JMJD1C: variants seen among roughly 807,000 people sequenced by gnomAD.
The protein encoded by JMJD1C is jumonji domain containing 1C.
In JMJD1C, 31 loss-of-function variants were observed where a neutral mutation model predicts 245.3. The ratio of observed to expected loss-of-function variants is 0.13; its 90% CI spans 0.09 to 0.17. JMJD1C has a LOEUF of 0.17. Ranked by LOEUF, JMJD1C falls within the 10% of genes least tolerant of loss-of-function variation. JMJD1C has a pLI of 1.00. For synonymous variants in JMJD1C, 1,057 were observed against 1,017.4 expected (o/e 1.04, Z -0.74); for missense variants, 2,691 against 3,000.2 (o/e 0.90, Z 2.41).
At position 63,189,399 on chromosome 10, in the gene JMJD1C, A is replaced by G. The variant is rs1271766051; in HGVS notation, c.6339T>C (p.Ile2113=). The change falls in exon 18 of 26, where the codon ATT becomes ATC. Residue 2113 remains isoleucine, a synonymous_variant. Coordinates refer to ENST00000399262, the MANE Select transcript of JMJD1C (RefSeq NM_032776.3). ...RTMPNILDDI[I]ASVVENKIPP... ...GAATTTTGTTTTCAACAACTGAAGC[A>G]ATTATGTCATCAAGAATGTTAGGCA... 2 of 1,613,764 alleles carry G rather than the reference A, an allele frequency of 1.2e-6. No homozygotes were observed. Among genetic ancestry groups the G allele is most frequent in the Admixed American group, 3.3e-5 (2 of 60,020 alleles).
Position 63,207,495 on chromosome 10 carries a change from A to C in JMJD1C, c.4174T>G (p.Cys1392Gly), listed in dbSNP as rs1267931754. ...GTGATTACATCCGTTTTGGTATTAC[A>C]CATCGTATTTACAGCAGACATGACT... is the stretch of plus-strand genomic sequence containing the variant. The part of the protein sequence containing the change: ...SSVMSAVNTM[C>G]NTKTDVITSA... The change falls in exon 10 of 26, where the codon TGT becomes GGT. Residue 1392 changes from cysteine to glycine, a missense_variant. Physicochemically the swap from Cys to Gly is radical, Grantham distance 159 (BLOSUM62 -3). Coordinates refer to ENST00000399262, the MANE Select transcript of JMJD1C (RefSeq NM_032776.3). 1 of 1,614,114 alleles carries C rather than the reference A, an allele frequency of 6.2e-7. No individual in the cohort carries two copies. The highest frequency in any genetic ancestry group is 1.1e-5 in the South Asian group (1 of 91,090).
chr10:63,173,174 A>G (rs1842542801), intron 24 of JMJD1C, among the ~76,000 whole-genome samples: 1 of 152,174 alleles, frequency 6.6e-6, no homozygotes, highest in Admixed American at 6.5e-5. Context: ...GAAAAACATT[A>G]AAAAGTAGTA....
At position 63,279,683 on chromosome 10, in the gene JMJD1C, G is replaced by A. The variant is rs572652715; in HGVS notation, c.334-14919C>T. ...ACAAAGGAGGAGCACTTGAGCCCAC[G>A]AAGTTAAGACTGTAGTGAGCCATGT... On this transcript the variant is annotated intron_variant, in intron 2 of 25. Coordinates refer to ENST00000399262, the MANE Select transcript of JMJD1C (RefSeq NM_032776.3). Among the ~76,000 whole-genome samples, 12 of 152,280 alleles carry A rather than the reference G, an allele frequency of 7.9e-5. No individual in the cohort carries two copies. The South Asian group carries it at 2.1e-3, about 26-fold the overall frequency.
At chr10:63,510,267 T>G (rs1954836179) in intron 1 of JMJD1C, among the ~76,000 whole-genome samples, 1 of 152,046 alleles carries the variant, frequency 6.6e-6, no homozygotes, top group African/African-American at 2.4e-5. Context: ...CCTCCCAAAG[T>G]GCTGGGACTA....
At chr10:63,406,832 T>C (rs1949200351) in intron 1 of JMJD1C, among the ~76,000 whole-genome samples, 1 of 152,160 alleles carries the variant, frequency 6.6e-6, no homozygotes, top group African/African-American at 2.4e-5. Context: ...ATCATTACAC[T>C]TCAGTCAAGA....
intron 1 of JMJD1C, among the ~76,000 whole-genome samples, chr10:63,415,755 A>G (rs989008434): frequency 5.9e-5 from 9 of 152,228 alleles, no homozygotes; most frequent in African/African-American, 2.2e-4. Context: ...TCATAACCTA[A>G]CACAATGAAA....
chr10:63,391,683 A>G (rs993756280), intron 1 of JMJD1C, among the ~76,000 whole-genome samples: 1 of 152,340 alleles, frequency 6.6e-6, no homozygotes, highest in Admixed American at 6.5e-5. Flanking sequence ...CCCATGCTCA[A>G]AAGAAGAATT....
intron 1 of JMJD1C, among the ~76,000 whole-genome samples, chr10:63,500,687 G>A (rs980173382): frequency 5.9e-5 from 9 of 152,024 alleles, no homozygotes; most frequent in East Asian, 3.9e-4. Context: ...AGCTGAGATC[G>A]GGCCACTGAG....
chr10:63,309,675 T>C (rs895197514), intron 2 of JMJD1C, among the ~76,000 whole-genome samples: 2 of 151,768 alleles, frequency 1.3e-5, no homozygotes, highest in Non-Finnish European at 1.5e-5. Context: ...TCCCAGCACT[T>C]TGGGAGGCCA....
chr10:63,349,396 G>A (rs189291997), intron 2 of JMJD1C, among the ~76,000 whole-genome samples: 29 of 152,322 alleles, frequency 1.9e-4, no homozygotes, highest in African/African-American at 6.0e-4. Context: ...CCAGTTTTGC[G>A]TTCTCATACA....
chr10:63,284,210 G>A (rs964173915), intron 2 of JMJD1C, among the ~76,000 whole-genome samples: 3 of 151,940 alleles, frequency 2.0e-5, no homozygotes, highest in African/African-American at 7.3e-5. Context: ...ATTTTTAGTA[G>A]ATATGGGGTT....
In JMJD1C at chr10:63,208,455, G is replaced by A. The variant is rs566751308; in HGVS notation, c.3214C>T (p.Arg1072Cys). 8.4e-5 allele frequency: 136 copies of A among 1,613,888 alleles called. 1 individual carries two copies. In the East Asian group the frequency reaches 1.9e-3, roughly 22 times the overall value. ...HIIKQDMDVE[R>C]SVSDLYKMKH... is the part of the protein sequence containing the mutation. ...ATTTTATAAAGATCTGATACTGAGC[G>A]TTCTACATCCATATCTTGTTTGATG... Residue 1072 changes from arginine (R) to cysteine (C), a missense_variant, in exon 10 of 26, where the codon CGC (arginine) becomes TGC (cysteine). Physicochemically the swap from Arg to Cys is radical, Grantham distance 180. This residue lies in a region of JMJD1C where 1,562 missense variants were observed against 1,490.7 expected (regional missense o/e 1.05). Coordinates refer to ENST00000399262, the MANE Select transcript of JMJD1C (RefSeq NM_032776.3).
intron 1 of JMJD1C, among the ~76,000 whole-genome samples, chr10:63,384,610 C>T (rs1172452724): frequency 1.3e-5 from 2 of 152,128 alleles, no homozygotes; most frequent in African/African-American, 4.8e-5. Context: ...GAAAAACCTA[C>T]TATAAACAGA....
intron 1 of JMJD1C, among the ~76,000 whole-genome samples, chr10:63,424,146 G>C (rs1467179533): frequency 2.0e-5 from 3 of 151,950 alleles, no homozygotes; most frequent in Non-Finnish European, 4.4e-5. Context: ...CTCATGGACT[G>C]AAGTGACTGA....
intron 1 of JMJD1C, among the ~76,000 whole-genome samples, chr10:63,480,817 G>T (rs1953809473): frequency 6.6e-6 from 1 of 151,894 alleles, no homozygotes; most frequent in South Asian, 2.1e-4. Context: ...AACTACAAAG[G>T]AAGAAAAAGT....
intron 1 of JMJD1C, among the ~76,000 whole-genome samples, chr10:63,406,300 GA>G (rs1165326500): frequency 6.6e-6 from 1 of 152,088 alleles, no homozygotes; most frequent in Non-Finnish European, 1.5e-5. Flanking sequence ...TCACAGGTCG[GA>G]ATTAGGCATG....
At chr10:63,465,343 G>C (rs1953141857) in intron 1 of JMJD1C, 152 bp downstream of exon 1, 3 of 775,536 alleles carry the variant, frequency 3.9e-6, no homozygotes, top group Admixed American at 2.9e-5. Flanking sequence ...ACCCAGGCAA[G>C]GGATGCGGGC....
At chr10:63,494,913 G>C (rs1277044970) in intron 1 of JMJD1C, among the ~76,000 whole-genome samples, 2 of 152,144 alleles carry the variant, frequency 1.3e-5, no homozygotes, top group Non-Finnish European at 2.9e-5. Flanking sequence ...TCAAAGCTGA[G>C]GTCAAGTACC....
intron 18 of JMJD1C, among the ~76,000 whole-genome samples, chr10:63,188,146 CAT>C (rs1844348894): frequency 6.6e-6 from 1 of 152,196 alleles, no homozygotes; most frequent in African/African-American, 2.4e-5. Context: ...TCTGGGTTCT[CAT>C]AGCACCTTGA....
Sources: allele counts gnomAD v4.1 joint callset (sites outside exome capture counted in the v4.1 genomes callset), GRCh38; gene constraint gnomAD v4.1.1; regional missense constraint gnomAD v4.1.1; transcripts MANE v1.5; gene names NCBI Gene and HGNC (gene_info 2026-07-23, HGNC 2026-07-21).